PDE8B: variants seen among roughly 807,000 people sequenced by gnomAD.
PDE8B encodes phosphodiesterase 8B, also known as high affinity cAMP-specific and IBMX-insensitive 3',5'-cyclic phosphodiesterase 8B.
PDE8B carries 26 observed loss-of-function variants against 101.3 expected under a neutral mutation model. That is an observed-to-expected ratio of 0.26 (90% CI 0.19 to 0.36). PDE8B has a LOEUF of 0.36. Among genes scored for constraint, PDE8B ranks in the 10% least tolerant of loss-of-function variants. The probability of loss-of-function intolerance (pLI) is 1.00; values close to 1 mark genes in which losing one functional copy is unlikely to be tolerated. For missense variants in PDE8B, 810 were observed against 1,163.1 expected, an observed-to-expected ratio of 0.70 and a Z score of 4.42; for synonymous variants, 424 against 429.3, an observed-to-expected ratio of 0.99 and a Z score of 0.15.
chr5:77,135,716 C>A, the PDE8B span, among the ~76,000 whole-genome samples: 4 of 151,864 alleles, frequency 2.6e-5, no homozygotes, highest in African/African-American at 9.7e-5. Flanking sequence ...ACCTCGTGAT[C>A]CACCCGCCTC....
chr5:77,121,172 G>A, the PDE8B span, among the ~76,000 whole-genome samples: 5 of 152,328 alleles, frequency 3.3e-5, no homozygotes, highest in African/African-American at 1.2e-4. Context: ...CTCAGGGTCT[G>A]CCATGACATT....
rs995908234 is a variant in PDE8B, at chr5:77,284,928, C to A, written c.340-27066C>A. ...CATGAATAATGCTGCTGTAAACATT[C>A]TTGGACATATCTTTTGGTGCTCACT... On this transcript the variant is annotated intron_variant, in intron 1 of 21. Transcript: ENST00000264917. 3.9e-5 allele frequency among the ~76,000 whole-genome samples: 6 copies of A among 152,250 alleles called. No homozygotes were observed. In the East Asian group the frequency reaches 1.2e-3, roughly 29 times the overall value.
At chr5:77,409,341 A>G (rs1794097625) in intron 14 of PDE8B, among the ~76,000 whole-genome samples, 1 of 152,176 alleles carries the variant, frequency 6.6e-6, no homozygotes, top group Non-Finnish European at 1.5e-5. Flanking sequence ...TGGAGGGCTC[A>G]ATGTGCAAGA....
chr5:77,249,276 T>A (rs190299513), intron 1 of PDE8B, among the ~76,000 whole-genome samples: 1 of 152,354 alleles, frequency 6.6e-6, no homozygotes, highest in African/African-American at 2.4e-5. Context: ...ATTTTCTGTT[T>A]ACAAAAGTCA....
At chr5:77,134,851 C>G in the PDE8B span, among the ~76,000 whole-genome samples, 1 of 152,192 alleles carries the variant, frequency 6.6e-6, no homozygotes, top group Non-Finnish European at 1.5e-5. Flanking sequence ...ATTAACTTCT[C>G]TCTTCTAAGT....
At chr5:77,154,448 G>A in the PDE8B span, among the ~76,000 whole-genome samples, 6 of 152,234 alleles carry the variant, frequency 3.9e-5, no homozygotes, top group Admixed American at 1.3e-4. Flanking sequence ...GCAGGGCAGA[G>A]AGGCCAGAGA....
chr5:77,212,114 G>C (rs1338220314), intron 1 of PDE8B, among the ~76,000 whole-genome samples: 1 of 152,114 alleles, frequency 6.6e-6, no homozygotes, highest in Non-Finnish European at 1.5e-5. Flanking sequence ...GTGTCCTCCC[G>C]TATGTTCTCA....
At chr5:77,146,699 C>G in the PDE8B span, 31 of 304,744 alleles carry the variant, frequency 1.0e-4, 1 homozygote, top group Admixed American at 1.1e-3. Context: ...CTAGGAAGTG[C>G]TCAGAGAGGT....
chr5:77,379,396 A>G (rs1233826280), intron 10 of PDE8B, among the ~76,000 whole-genome samples: 2 of 152,222 alleles, frequency 1.3e-5, no homozygotes, highest in Admixed American at 6.5e-5. Flanking sequence ...AAACCAATGC[A>G]TGTTGCTTTG....
At chr5:77,107,426 A>C in the PDE8B span, among the ~76,000 whole-genome samples, 5 of 152,150 alleles carry the variant, frequency 3.3e-5, no homozygotes, top group Admixed American at 3.3e-4. Context: ...TCCTCCATAG[A>C]TTCCTTAGGA....
intron 1 of PDE8B, among the ~76,000 whole-genome samples, chr5:77,245,100 A>AT (rs1034977229): frequency 6.6e-6 from 1 of 152,154 alleles, no homozygotes; most frequent in African/African-American, 2.4e-5. Context: ...ACAGCCAAAA[A>AT]TCTCCCTCTA....
intron 20 of PDE8B, 89 bp downstream of exon 20, chr5:77,422,077 CT>C: frequency 3.6e-6 from 5 of 1,376,058 alleles, no homozygotes; most frequent in Non-Finnish European, 5.1e-6. Flanking sequence ...AGCTGAGTAA[CT>C]TTTTACCAAT....
chr5:77,318,055 C>CAAAAA (rs55952764), intron 2 of PDE8B, among the ~76,000 whole-genome samples: 705 of 56,922 alleles, frequency 0.012, 28 homozygotes, highest in African/African-American at 0.031. Flanking sequence ...GACTCCATCT[C>CAAAAA]AAAAAAAAAA....
chr5:77,329,816 A>G (rs1403134491), intron 4 of PDE8B, among the ~76,000 whole-genome samples: 1 of 152,240 alleles, frequency 6.6e-6, no homozygotes, highest in East Asian at 1.9e-4. Flanking sequence ...ATTTGGCTGC[A>G]TTATGGCATT....
chr5:77,104,647 C>G, the PDE8B span: 1 of 152,036 alleles, frequency 6.6e-6, no homozygotes, highest in African/African-American at 2.4e-5. Context: ...GGGTCCAGAA[C>G]TCTGAGAAAT....
At chr5:77,194,367 A>C in the PDE8B span, among the ~76,000 whole-genome samples, 20 of 152,216 alleles carry the variant, frequency 1.3e-4, no homozygotes, top group Non-Finnish European at 1.5e-5. Context: ...ACCTATCGAA[A>C]TGATGTTTGT....
At chr5:77,175,820 T>C in the PDE8B span, among the ~76,000 whole-genome samples, 1 of 152,216 alleles carries the variant, frequency 6.6e-6, no homozygotes, top group Non-Finnish European at 1.5e-5. Context: ...TCACCACCGA[T>C]TTATATATAT....
At chr5:77,212,474 G>T (rs1326799145) in intron 1 of PDE8B, among the ~76,000 whole-genome samples, 1 of 152,028 alleles carries the variant, frequency 6.6e-6, no homozygotes, top group African/African-American at 2.4e-5. Context: ...GCATCTGATT[G>T]TTTAACATGA....
chr5:77,108,377 T>C, the PDE8B span, among the ~76,000 whole-genome samples: 1 of 152,212 alleles, frequency 6.6e-6, no homozygotes, highest in South Asian at 2.1e-4. Flanking sequence ...TCTAAGGTTT[T>C]TTCCCTTTAA....
Sources: gnomAD v4.1 joint callset for allele counts (sites outside exome capture counted in the v4.1 genomes callset) on GRCh38, gnomAD v4.1.1 for gene constraint, MANE v1.5 for transcripts, NCBI Gene and HGNC (gene_info 2026-07-23, HGNC 2026-07-21) for gene names.